Variants in GFRA1 observed in about 807,000 individuals in gnomAD.
GFRA1 encodes the protein GDNF family receptor alpha-1.
A neutral mutation model predicts 51.6 loss-of-function variants in GFRA1; 16 were observed. That is an observed-to-expected ratio of 0.31 (90% CI 0.21 to 0.47). The LOEUF is 0.47. Among genes scored for constraint, GFRA1 ranks in the 20% least tolerant of loss-of-function variants. The probability of loss-of-function intolerance (pLI) is 1.00; values close to 1 mark genes in which losing one functional copy is unlikely to be tolerated. For missense variants in GFRA1, 530 were observed against 594.3 expected, an observed-to-expected ratio of 0.89 and a Z score of 1.13; for synonymous variants, 270 against 241.3, an observed-to-expected ratio of 1.12 and a Z score of -1.10.
intron 5 of GFRA1, among the ~76,000 whole-genome samples, chr10:116,169,407 G>A (rs7921425): frequency 0.19 from 28,638 of 152,238 alleles, 2,825 homozygotes; most frequent in Non-Finnish European, 0.23. Flanking sequence ...CTGGACCTGC[G>A]GACCTAAACG....
Position 116,217,837 on chromosome 10 carries a change from C to T in GFRA1, c.419-6192G>A, listed in dbSNP as rs75006546. On this transcript the variant is annotated intron_variant, in intron 4 of 10. Coordinates refer to ENST00000355422, the MANE Select transcript of GFRA1 (RefSeq NM_005264.8). ...ATGAGAGATTGCCTATAAGAGAACA[C>T]GATAACTGGTACCCAGAAAGTCTTC... is the stretch of plus-strand genomic sequence containing the variant. Among the ~76,000 whole-genome samples, 191 of 152,170 alleles carry T rather than the reference C, an allele frequency of 1.3e-3. 4 individuals carry two copies. The East Asian group carries it at 0.032, about 26-fold the overall frequency.
intron 4 of GFRA1, among the ~76,000 whole-genome samples, chr10:116,249,783 T>A (rs1377001891): frequency 6.6e-6 from 1 of 152,202 alleles, no homozygotes; most frequent in African/African-American, 2.4e-5. Flanking sequence ...ACTACCCAAG[T>A]GCAGAAAATT....
At chr10:116,152,152 T>C (rs1423771617) in intron 5 of GFRA1, among the ~76,000 whole-genome samples, 2 of 152,136 alleles carry the variant, frequency 1.3e-5, no homozygotes, top group African/African-American at 4.8e-5. Flanking sequence ...TGGATATGAT[T>C]CTAAGTGCAA....
chr10:116,191,213 G>A (rs143218873), intron 5 of GFRA1, among the ~76,000 whole-genome samples: 1 of 152,186 alleles, frequency 6.6e-6, no homozygotes, highest in South Asian at 2.1e-4. Context: ...TACTAGTTAT[G>A]CTAGAACTGT....
chr10:116,147,450 T>C (rs1958854694), intron 5 of GFRA1, among the ~76,000 whole-genome samples: 1 of 151,260 alleles, frequency 6.6e-6, no homozygotes, highest in African/African-American at 2.4e-5. Flanking sequence ...TGATGAGTCC[T>C]TTTTTTTTCC....
Position 116,064,270 on chromosome 10 carries a change from G to T in GFRA1, c.*128C>A. 6.4e-6 allele frequency: 5 copies of T among 776,512 alleles called. No individual in the cohort carries two copies. The highest frequency in any genetic ancestry group is 1.1e-5 in the Non-Finnish European group (5 of 475,930). 48.1% of individuals were successfully genotyped at this position (776,512 alleles called of 1,614,324 possible). A position where few individuals can be genotyped will look rare whatever the true frequency, so the allele number is the denominator to read the frequency against. ...TTTCTTAAAAGGAAAAAAAAAAAAT[G>T]TTCCAGTTGAATGGAACTGTTTCTC... On this transcript the variant is annotated 3_prime_UTR_variant, in exon 11 of 11. Transcript: ENST00000355422.
At chr10:116,070,884 T>C (rs988922342) in intron 9 of GFRA1, among the ~76,000 whole-genome samples, 1 of 151,528 alleles carries the variant, frequency 6.6e-6, no homozygotes, top group Non-Finnish European at 1.5e-5. Flanking sequence ...TCTGCCACTC[T>C]CTATTTTGAA....
At chr10:116,077,751 A>G (rs1246834854) in intron 9 of GFRA1, among the ~76,000 whole-genome samples, 1 of 152,252 alleles carries the variant, frequency 6.6e-6, no homozygotes, top group Non-Finnish European at 1.5e-5. Context: ...AGCTGGCAAT[A>G]TGATAACAGC....
At chr10:116,098,569 A>G (rs929677578) in intron 6 of GFRA1, among the ~76,000 whole-genome samples, 12 of 152,334 alleles carry the variant, frequency 7.9e-5, no homozygotes, top group Admixed American at 7.8e-4. Context: ...CTGCAAGTTC[A>G]GGCAGCTGGG....
At chr10:116,065,693 G>A (rs1032464839) in intron 9 of GFRA1, 67 bp from the exon 10 acceptor site, 1 of 1,266,410 alleles carries the variant, frequency 7.9e-7, no homozygotes, top group East Asian at 2.4e-5. Flanking sequence ...TGATCCATCA[G>A]TCAGCTGTCT....
At chr10:116,213,952 A>G (rs963625928) in intron 4 of GFRA1, among the ~76,000 whole-genome samples, 6 of 152,210 alleles carry the variant, frequency 3.9e-5, no homozygotes, top group African/African-American at 1.4e-4. Flanking sequence ...CAGTCCCACT[A>G]CAGGAAACCT....
intron 4 of GFRA1, among the ~76,000 whole-genome samples, chr10:116,218,258 G>C (rs1422040857): frequency 1.3e-5 from 2 of 152,068 alleles, no homozygotes; most frequent in Non-Finnish European, 2.9e-5. Context: ...CACCATTTAG[G>C]GGGCTCAGCT....
At chr10:116,176,771 G>C (rs1373438955) in intron 5 of GFRA1, among the ~76,000 whole-genome samples, 1 of 112,064 alleles carries the variant, frequency 8.9e-6, no homozygotes, top group African/African-American at 3.3e-5. Context: ...CAGCAATGTT[G>C]GGCCTACCAT....
intron 4 of GFRA1, chr10:116,255,744 G>C (rs1221298788): frequency 7.8e-7 from 1 of 1,288,538 alleles, no homozygotes; most frequent in South Asian, 1.2e-5. Context: ...TCTTTACATG[G>C]CATTGCACTC....
chr10:116,166,242 A>G (rs367640908), intron 5 of GFRA1, among the ~76,000 whole-genome samples: 2 of 152,298 alleles, frequency 1.3e-5, no homozygotes, highest in East Asian at 3.9e-4. Flanking sequence ...TATTGTGGGT[A>G]GTGTTGCAAT....
Position 116,272,441 on chromosome 10 carries a change from T to C in GFRA1, c.-246-166A>G. ...CATGTGCGTGTTTTCCAGGGGCCGC[T>C]GACACGGGGATGGAGGTGAGGGCTG... On this transcript the variant is annotated intron_variant, in intron 1 of 10. Transcript: ENST00000355422. The surrounding 1 kb of genome is among the most constrained non-coding windows in gnomAD (Gnocchi z 4.4). 3.2e-6 allele frequency: 1 copy of C among 308,410 alleles called. No individual in the cohort carries two copies. The highest frequency in any genetic ancestry group is 6.3e-6 in the Non-Finnish European group (1 of 159,866). 19.1% of individuals were successfully genotyped at this position (308,410 alleles called of 1,614,324 possible).
chr10:116,198,741 TTC>T (rs1964095794), intron 5 of GFRA1, among the ~76,000 whole-genome samples: 1 of 152,206 alleles, frequency 6.6e-6, no homozygotes, highest in South Asian at 2.1e-4. Context: ...CCCTTGATGC[TTC>T]TCTTTTATTG....
At chr10:116,273,139 A>G (rs1371072946) in intron 1 of GFRA1, 24 bp downstream of exon 1, 1 of 152,122 alleles carries the variant, frequency 6.6e-6, no homozygotes, top group Admixed American at 6.5e-5. Flanking sequence ...AAACAGAACG[A>G]AAAAAACTCC....
rs370126994 is a variant in GFRA1, at chr10:116,218,132, A to G, written c.419-6487T>C. 1.1e-4 allele frequency among the ~76,000 whole-genome samples: 17 copies of G among 152,278 alleles called. No individual in the cohort carries two copies. The East Asian group carries it at 1.4e-3, about 12-fold the overall frequency. On this transcript the variant is annotated intron_variant, in intron 4 of 10. Transcript: ENST00000355422. ...TACCTTCAAACACCAGCGATCTAAGAGGTTGCGGTTAGAACCCATAGGTGC... is the reference window on the plus strand; with the variant it reads ...TACCTTCAAACACCAGCGATCTAAGGGGTTGCGGTTAGAACCCATAGGTGC...
Sources: allele counts gnomAD v4.1 joint callset (sites outside exome capture counted in the v4.1 genomes callset), GRCh38; gene constraint gnomAD v4.1.1; non-coding constraint Gnocchi (gnomAD v3.1); transcripts MANE v1.5; gene names NCBI Gene and HGNC (gene_info 2026-07-23, HGNC 2026-07-21).